COPS4: variants seen among roughly 807,000 people sequenced by gnomAD.
COPS4 encodes COP9 signalosome complex subunit 4.
COPS4 carries 8 observed loss-of-function variants against 55.1 expected under a neutral mutation model. The ratio of observed to expected loss-of-function variants is 0.15; its 90% CI spans 0.09 to 0.26. The LOEUF is 0.26. Ranked by LOEUF, COPS4 falls within the 10% of genes least tolerant of loss-of-function variation. The pLI, the probability that COPS4 is intolerant of heterozygous loss-of-function variation, is 1.00. For missense variants in COPS4, 248 were observed against 484.0 expected, an observed-to-expected ratio of 0.51 and a Z score of 4.58; for synonymous variants, 185 against 165.7, an observed-to-expected ratio of 1.12 and a Z score of -0.90.
chr4:83,069,458 G>A (rs1731366557), intron 9 of COPS4, among the ~76,000 whole-genome samples: 1 of 152,038 alleles, frequency 6.6e-6, no homozygotes, highest in African/African-American at 2.4e-5. Context: ...GAGAAGAGTC[G>A]GGCATCAGAC....
At chr4:83,057,870 C>T (rs1287571287) in intron 6 of COPS4, among the ~76,000 whole-genome samples, 6 of 143,126 alleles carry the variant, frequency 4.2e-5, no homozygotes, top group Admixed American at 1.5e-4. Context: ...TGTAGTGAGC[C>T]GAGATCAGGC....
At chr4:83,071,540 T>C (rs758834118) in intron 9 of COPS4, among the ~76,000 whole-genome samples, 2 of 152,128 alleles carry the variant, frequency 1.3e-5, no homozygotes, top group African/African-American at 2.4e-5. Context: ...TGCTTCAGCC[T>C]CCCTAGTAGC....
chr4:83,056,753 T>C (rs1026540616), intron 4 of COPS4, among the ~76,000 whole-genome samples, 173 bp from the exon 5 acceptor site: 8 of 152,080 alleles, frequency 5.3e-5, no homozygotes, highest in African/African-American at 1.9e-4. Context: ...GAGCCAATAT[T>C]GCACCACTGC....
At chr4:83,049,125 T>C (rs1258807281) in intron 2 of COPS4, 41 bp from the exon 3 acceptor site, 5 of 1,555,378 alleles carry the variant, frequency 3.2e-6, no homozygotes. Context: ...TGACAATTTA[T>C]CAGCTCATGT....
At chr4:83,072,056 T>C (rs1022631238) in intron 9 of COPS4, among the ~76,000 whole-genome samples, 1 of 151,884 alleles carries the variant, frequency 6.6e-6, no homozygotes, top group Non-Finnish European at 1.5e-5. Flanking sequence ...GTCACAAATA[T>C]TTTTTTCCAT....
Position 83,075,498 on chromosome 4 carries a change from A to C in COPS4, c.*68A>C. The C allele has an allele frequency of 6.4e-7, 1 of 1,568,016 alleles. No individual in the cohort carries two copies. Among genetic ancestry groups the C allele is most frequent in the Non-Finnish European group, 8.7e-7 (1 of 1,145,236 alleles). On this transcript the variant is annotated 3_prime_UTR_variant, in exon 10 of 10. Transcript: ENST00000264389. ...TGTGCAGATCAGTTTCACTATCTCC[A>C]AAGCATTTGCATCATGACCTTATAC...
intron 1 of COPS4, among the ~76,000 whole-genome samples, chr4:83,038,017 A>C (rs1163160099): frequency 6.6e-6 from 1 of 152,272 alleles, no homozygotes; most frequent in Non-Finnish European, 1.5e-5. Flanking sequence ...TAGCCAGAGG[A>C]AAAGCATTTC....
At chr4:83,060,569 GTGCT>G (rs1407103978) in intron 6 of COPS4, among the ~76,000 whole-genome samples, 1 of 151,584 alleles carries the variant, frequency 6.6e-6, no homozygotes, top group Non-Finnish European at 1.5e-5. Flanking sequence ...GCCTCCCAAA[GTGCT>G]GGGATTAAAG....
chr4:83,068,357 A>G, intron 8 of COPS4, 81 bp from the exon 9 acceptor site: 2 of 914,898 alleles, frequency 2.2e-6, no homozygotes, highest in Non-Finnish European at 3.5e-6. Flanking sequence ...TAGTTAAACC[A>G]GAAGCTTTCT....
At chr4:83,062,533 T>G (rs1448566688) in intron 6 of COPS4, among the ~76,000 whole-genome samples, 1 of 150,682 alleles carries the variant, frequency 6.6e-6, no homozygotes, top group African/African-American at 2.4e-5. Flanking sequence ...TCCCTGCTTG[T>G]TTTTTTACTT....
chr4:83,043,518 CAAAAAAAAAAAAAAAA>C (rs34480105), intron 1 of COPS4, among the ~76,000 whole-genome samples: 1 of 17,682 alleles, frequency 5.7e-5, no homozygotes, highest in Non-Finnish European at 1.2e-4. Flanking sequence ...GACCCTGTCT[CAAAAAAAAAAAAAAAA>C]AAAAAAAAAA....
chr4:83,038,745 G>A (rs930078338), intron 1 of COPS4, among the ~76,000 whole-genome samples: 4 of 152,094 alleles, frequency 2.6e-5, no homozygotes, highest in Non-Finnish European at 2.9e-5. Context: ...GGGTTCAACC[G>A]ATTCTTCTGC....
chr4:83,051,688 A>G (rs1730104412), intron 4 of COPS4, among the ~76,000 whole-genome samples: 1 of 152,226 alleles, frequency 6.6e-6, no homozygotes. Flanking sequence ...AGTTGAATGT[A>G]TTAGTCTGGA....
intron 1 of COPS4, among the ~76,000 whole-genome samples, chr4:83,042,591 T>C (rs1161921413): frequency 6.6e-6 from 1 of 151,592 alleles, no homozygotes; most frequent in Non-Finnish European, 1.5e-5. Flanking sequence ...TTTTTGTAAT[T>C]TTTTTTTATT....
At chr4:83,066,795 G>T (rs1731302684) in intron 8 of COPS4, among the ~76,000 whole-genome samples, 1 of 152,140 alleles carries the variant, frequency 6.6e-6, no homozygotes, top group African/African-American at 2.4e-5. Flanking sequence ...ATTGTGTTTT[G>T]TGATAAAGTG....
chr4:83,038,429 C>CT (rs903275579), intron 1 of COPS4, among the ~76,000 whole-genome samples: 11 of 152,140 alleles, frequency 7.2e-5, no homozygotes, highest in Non-Finnish European at 1.2e-4. Flanking sequence ...CCTATGAGCC[C>CT]TTAACTCTAA....
At chr4:83,055,608 TA>T (rs1730994366) in intron 4 of COPS4, among the ~76,000 whole-genome samples, 1 of 152,102 alleles carries the variant, frequency 6.6e-6, no homozygotes, top group African/African-American at 2.4e-5. Context: ...TATGCCTGGC[TA>T]ATTTTTTTAT....
chr4:83,069,547 C>G (rs949110174), intron 9 of COPS4, among the ~76,000 whole-genome samples: 9 of 152,170 alleles, frequency 5.9e-5, no homozygotes, highest in African/African-American at 2.2e-4. Flanking sequence ...GTAGTCCACT[C>G]TTTTTCCTCC....
In COPS4 at chr4:83,052,511, T is replaced by G. The variant is rs142938421; in HGVS notation, c.410+2527T>G. Among the ~76,000 whole-genome samples, 7 of 152,316 alleles carry G rather than the reference T, an allele frequency of 4.6e-5. No individual in the cohort carries two copies. The East Asian group carries it at 1.3e-3, about 29-fold the overall frequency. On this transcript the variant is annotated intron_variant, in intron 4 of 9. Coordinates refer to ENST00000264389, the MANE Select transcript of COPS4 (RefSeq NM_016129.3). Reference sequence around the variant, plus strand: ...TGCTGGATGCCAATAGTACTGCTGTTCCTAGTTGTGACAAGAAAAATGTCT... The same window carrying G: ...TGCTGGATGCCAATAGTACTGCTGTGCCTAGTTGTGACAAGAAAAATGTCT...
Sources: allele counts gnomAD v4.1 joint callset (sites outside exome capture counted in the v4.1 genomes callset), GRCh38; gene constraint gnomAD v4.1.1; transcripts MANE v1.5; gene names NCBI Gene and HGNC (gene_info 2026-07-23, HGNC 2026-07-21).